The following RTN1 variants were observed in gnomAD, a reference collection of about 807,000 sequenced individuals.
The protein encoded by RTN1 is reticulon 1.
In RTN1, 25 loss-of-function variants were observed where a neutral mutation model predicts 65.5. The observed-to-expected ratio is 0.38, with a 90% CI of 0.28 to 0.53. The LOEUF (loss-of-function observed/expected upper bound fraction) is 0.53, where lower values mean the gene tolerates loss of function less well. Ranked by LOEUF, RTN1 falls within the 20% of genes least tolerant of loss-of-function variation. The probability of loss-of-function intolerance (pLI) is 0.79; values close to 1 mark genes in which losing one functional copy is unlikely to be tolerated. For missense variants in RTN1, 983 were observed against 1,025.4 expected (o/e 0.96, Z 0.57); for synonymous variants, 471 against 447.6 (o/e 1.05, Z -0.66).
chr14:59,861,512 C>T (rs921918201), intron 1 of RTN1, among the ~76,000 whole-genome samples: 4 of 152,158 alleles, frequency 2.6e-5, no homozygotes, highest in Non-Finnish European at 4.4e-5. Flanking sequence ...AAGTTAGGGG[C>T]ACTGTTGTCT....
chr14:59,800,267 C>A, intron 1 of RTN1, among the ~76,000 whole-genome samples: 1 of 152,226 alleles, frequency 6.6e-6, no homozygotes, highest in East Asian at 1.9e-4. Flanking sequence ...CCCACCCTAA[C>A]AGCCTTACAT....
chr14:59,653,211 C>A (rs891002340), intron 3 of RTN1, among the ~76,000 whole-genome samples: 1 of 152,140 alleles, frequency 6.6e-6, no homozygotes, highest in East Asian at 1.9e-4. Context: ...ATACTAATAC[C>A]GACTGATTTC....
rs116448930 is a variant in RTN1 at position 59,787,187 on chromosome 14, G to A, written c.242-40706C>T. Among the ~76,000 whole-genome samples the A allele has an allele frequency of 8.7e-3, 1,326 of 152,214 alleles. 24 individuals are homozygous for A. Among genetic ancestry groups the A allele is most frequent in the African/African-American group, 0.03 (1,258 of 41,516 alleles). On this transcript the variant is annotated intron_variant, in intron 1 of 8. Coordinates refer to ENST00000267484, the MANE Select transcript of RTN1 (RefSeq NM_021136.3). ...ATGATGATTTGCACTGGCCCAGGAA[G>A]CCCTCTGTGACTCACTGTGGAGCTG...
chr14:59,609,174 AC>A (rs1392819643), intron 3 of RTN1, among the ~76,000 whole-genome samples: 1 of 151,550 alleles, frequency 6.6e-6, no homozygotes, highest in Non-Finnish European at 1.5e-5. Flanking sequence ...AATCCCAGCG[AC>A]TCGGGAGGCT....
At chr14:59,760,370 A>G (rs2139543864) in intron 1 of RTN1, among the ~76,000 whole-genome samples, 1 of 152,366 alleles carries the variant, frequency 6.6e-6, no homozygotes, top group Middle Eastern at 3.4e-3. Context: ...AGAGTATACA[A>G]GAAACCAATT....
chr14:59,856,012 G>T (rs1887600896), intron 1 of RTN1, among the ~76,000 whole-genome samples: 1 of 152,056 alleles, frequency 6.6e-6, no homozygotes, highest in African/African-American at 2.4e-5. Context: ...TTTTTTGTGG[G>T]TGTTTTTTGT....
rs1886012629 is a variant in RTN1, at chr14:59,774,355, A to G, written c.242-27874T>C. ...AAAAATGATTTATAATCTATACAAC[A>G]CTATAGATTATTATAATTTGGCTCT... On this transcript the variant is annotated intron_variant, in intron 1 of 8. Transcript: ENST00000267484. This position sits in a 1 kb window ranked among gnomAD's most constrained non-coding sequence, Gnocchi z 5.1. 1.3e-5 allele frequency among the ~76,000 whole-genome samples: 2 copies of G among 152,292 alleles called. No individual in the cohort carries two copies. Among genetic ancestry groups the G allele is most frequent in the South Asian group, 4.1e-4 (2 of 4,824 alleles).
chr14:59,739,590 T>C (rs1277241187), intron 2 of RTN1, among the ~76,000 whole-genome samples: 1 of 151,120 alleles, frequency 6.6e-6, no homozygotes, highest in Non-Finnish European at 1.5e-5. Flanking sequence ...GTATAACCCA[T>C]TAACAGGACA....
At chr14:59,831,546 C>T (rs1208437119) in intron 1 of RTN1, among the ~76,000 whole-genome samples, 1 of 152,082 alleles carries the variant, frequency 6.6e-6, no homozygotes, top group Non-Finnish European at 1.5e-5. Context: ...TTGTCAGCCT[C>T]CATAACTGTG....
intron 3 of RTN1, among the ~76,000 whole-genome samples, chr14:59,705,170 G>C (rs58100706): frequency 0.019 from 2,942 of 152,198 alleles, 94 homozygotes; most frequent in African/African-American, 0.067. Context: ...TTCCATGCAG[G>C]CTGCCACAGG....
At chr14:59,824,526 T>C (rs1017476566) in intron 1 of RTN1, among the ~76,000 whole-genome samples, 2 of 152,226 alleles carry the variant, frequency 1.3e-5, no homozygotes, top group African/African-American at 4.8e-5. Context: ...AGATGTTACA[T>C]AGTGTTTACC....
chr14:59,710,045 C>CTTTTT (rs11353177), intron 3 of RTN1, among the ~76,000 whole-genome samples: 14 of 110,774 alleles, frequency 1.3e-4, no homozygotes, highest in African/African-American at 3.4e-4. Flanking sequence ...CTCTTTCTTT[C>CTTTTT]TTTTTTTTTT....
At chr14:59,838,988 T>C (rs1027465687) in intron 1 of RTN1, among the ~76,000 whole-genome samples, 1 of 152,094 alleles carries the variant, frequency 6.6e-6, no homozygotes, top group African/African-American at 2.4e-5. Context: ...TCCAGTATAG[T>C]ACATATTACA....
intron 3 of RTN1, among the ~76,000 whole-genome samples, chr14:59,648,622 G>T (rs1316287442): frequency 1.3e-5 from 2 of 152,184 alleles, no homozygotes; most frequent in South Asian, 2.1e-4. Flanking sequence ...GGGATGCAAG[G>T]TTGGTTCAAT....
chr14:59,649,021 G>C (rs8006037), intron 3 of RTN1, among the ~76,000 whole-genome samples: 121,387 of 151,608 alleles, frequency 0.8, 48,679 homozygotes, highest in Admixed American at 0.86. Flanking sequence ...GACAAGGCTA[G>C]AGTAACCAAA....
chr14:59,854,076 T>C (rs1432740785), intron 1 of RTN1, among the ~76,000 whole-genome samples: 2 of 151,754 alleles, frequency 1.3e-5, no homozygotes, highest in Non-Finnish European at 2.9e-5. Context: ...TGTTGGCTGG[T>C]CTTGAACTCC....
rs1887089929 is a variant in RTN1 at position 59,829,500 on chromosome 14, G to A, written c.241+40890C>T. On this transcript the variant is annotated intron_variant, in intron 1 of 8. Transcript: ENST00000267484. The surrounding 1 kb of genome is among the most constrained non-coding windows in gnomAD (Gnocchi z 4.3). Reference sequence around the variant, plus strand: ...GGGGAAGTACTGAAGAAGGCTATATGGGATTTTTCTCTATTATTTTTGCAA... The same window carrying A: ...GGGGAAGTACTGAAGAAGGCTATATAGGATTTTTCTCTATTATTTTTGCAA... 6.6e-6 allele frequency among the ~76,000 whole-genome samples: 1 copy of A among 152,190 alleles called. No homozygotes were observed. Among genetic ancestry groups the A allele is most frequent in the Non-Finnish European group, 1.5e-5 (1 of 68,048 alleles).
chr14:59,634,243 C>T (rs553361192), intron 3 of RTN1, among the ~76,000 whole-genome samples: 6 of 152,202 alleles, frequency 3.9e-5, no homozygotes, highest in South Asian at 4.1e-4. Flanking sequence ...AGATGCACTG[C>T]GTTTTCATGA....
chr14:59,792,132 G>A (rs1006499180), intron 1 of RTN1, among the ~76,000 whole-genome samples: 1 of 152,048 alleles, frequency 6.6e-6, no homozygotes, highest in African/African-American at 2.4e-5. Context: ...ATTATTTGAT[G>A]GCTGCCAGCA....
Sources: gnomAD v4.1 joint callset for allele counts (sites outside exome capture counted in the v4.1 genomes callset) on GRCh38, gnomAD v4.1.1 for gene constraint, Gnocchi (gnomAD v3.1) non-coding constraint, MANE v1.5 for transcripts, NCBI Gene and HGNC (gene_info 2026-07-23, HGNC 2026-07-21) for gene names.